The following XIRP2 variants were observed in gnomAD, a reference collection of about 807,000 sequenced individuals.
XIRP2 encodes the protein xin actin binding repeat containing 2, also known as xin actin-binding repeat-containing protein 2.
XIRP2 carries 236 observed loss-of-function variants against 277.0 expected under a neutral mutation model. The ratio of observed to expected loss-of-function variants is 0.85; its 90% confidence interval spans 0.77 to 0.95. The LOEUF (loss-of-function observed/expected upper bound fraction) is 0.95, where lower values mean the gene tolerates loss of function less well. XIRP2 is among the 40% of genes least tolerant of loss of function. The probability of loss-of-function intolerance (pLI) is 0.00; values close to 1 mark genes in which losing one functional copy is unlikely to be tolerated. For synonymous variants in XIRP2, 1,490 were observed against 1,416.5 expected (o/e 1.05, Z -1.17); for missense variants, 4,640 against 4,157.5 (o/e 1.12, Z -3.19).
At chr2:167,145,302 CA>C (rs1188090141) in intron 3 of XIRP2, among the ~76,000 whole-genome samples, 13 of 151,934 alleles carry the variant, frequency 8.6e-5, no homozygotes, top group African/African-American at 3.1e-4. Context: ...AATGGAAGTC[CA>C]AAAATTTTCC....
chr2:166,903,668 G>A lies in XIRP2; in HGVS notation c.186G>A (p.Leu62=), dbSNP rs751653795. ...CTCAATCTTTGGATCCCACAAGTCT[G>A]CCCTACAGTACAGGGGAAGAGATGT... ...SAPQSLDPTS[L]PYSTGEEMWS... Residue 62 remains leucine, a synonymous_variant, in exon 2 of 11, where the codon CTG becomes CTA. Transcript: ENST00000409195. 3.1e-6 allele frequency: 5 copies of A among 1,613,654 alleles called. No individual in the cohort carries two copies. Among genetic ancestry groups the A allele is most frequent in the Non-Finnish European group, 4.2e-6 (5 of 1,179,766 alleles).
intron 3 of XIRP2, among the ~76,000 whole-genome samples, chr2:167,169,623 C>T (rs1692626695): frequency 6.6e-6 from 1 of 152,148 alleles, no homozygotes; most frequent in Non-Finnish European, 1.5e-5. Context: ...GGGGTAACCT[C>T]CAAGCTTATT....
chr2:167,201,738 A>G (rs1226627998), intron 3 of XIRP2, among the ~76,000 whole-genome samples: 1 of 152,222 alleles, frequency 6.6e-6, no homozygotes, highest in East Asian at 1.9e-4. Flanking sequence ...TCCTTAGATT[A>G]TGCTGAAGTC....
chr2:167,031,973 C>CAAA, intron 2 of XIRP2, among the ~76,000 whole-genome samples: 1 of 151,956 alleles, frequency 6.6e-6, no homozygotes, highest in Admixed American at 6.6e-5. Flanking sequence ...CATATGGAAA[C>CAAA]AAAAAAGAGC....
intron 2 of XIRP2, among the ~76,000 whole-genome samples, chr2:167,119,226 T>G (rs911995898): frequency 6.6e-6 from 1 of 152,148 alleles, no homozygotes; most frequent in Non-Finnish European, 1.5e-5. Flanking sequence ...GGAAACTAGA[T>G]TTTTTCCCCT....
At chr2:167,025,750 T>G (rs1214639026) in intron 2 of XIRP2, among the ~76,000 whole-genome samples, 3 of 152,106 alleles carry the variant, frequency 2.0e-5, no homozygotes, top group Non-Finnish European at 4.4e-5. Flanking sequence ...TCAGTTTCCA[T>G]GTAGTTGAGC....
intron 3 of XIRP2, among the ~76,000 whole-genome samples, chr2:167,179,007 C>T (rs1486881797): frequency 3.9e-5 from 6 of 152,010 alleles, no homozygotes; most frequent in South Asian, 2.1e-4. Context: ...TCTCCACTCT[C>T]GATAGTAAAT....
chr2:166,930,159 G>C (rs763802241), intron 2 of XIRP2, among the ~76,000 whole-genome samples: 8 of 152,088 alleles, frequency 5.3e-5, no homozygotes, highest in Non-Finnish European at 1.2e-4. Context: ...GTGAGATCTA[G>C]ATTATGTTTA....
chr2:166,931,734 A>G (rs1295151179), intron 2 of XIRP2, among the ~76,000 whole-genome samples: 11 of 152,162 alleles, frequency 7.2e-5, no homozygotes, highest in Admixed American at 7.2e-4. Context: ...TAAAACTGCT[A>G]TGAATATTTT....
At chr2:166,898,599 A>T (rs866443702) in intron 1 of XIRP2, among the ~76,000 whole-genome samples, 1 of 152,168 alleles carries the variant, frequency 6.6e-6, no homozygotes, top group South Asian at 2.1e-4. Flanking sequence ...TCCATCTTAC[A>T]TAACTATAGT....
At chr2:167,050,796 G>A (rs1688894724) in intron 2 of XIRP2, among the ~76,000 whole-genome samples, 1 of 144,200 alleles carries the variant, frequency 6.9e-6, no homozygotes, top group South Asian at 2.5e-4. Context: ...TATGAATATT[G>A]AGCACTGCTG....
intron 2 of XIRP2, among the ~76,000 whole-genome samples, chr2:167,079,645 C>T (rs1447359017): frequency 6.6e-6 from 1 of 152,040 alleles, no homozygotes; most frequent in Non-Finnish European, 1.5e-5. Flanking sequence ...ATAGTACTCT[C>T]TGAGGATCTT....
intron 2 of XIRP2, among the ~76,000 whole-genome samples, chr2:166,921,432 A>G (rs1390714185): frequency 6.6e-6 from 1 of 152,072 alleles, no homozygotes; most frequent in Non-Finnish European, 1.5e-5. Flanking sequence ...GATGACTTCT[A>G]TCTCATCTAC....
intron 1 of XIRP2, among the ~76,000 whole-genome samples, chr2:166,903,102 T>A (rs1390582632): frequency 6.6e-6 from 1 of 152,148 alleles, no homozygotes; most frequent in Non-Finnish European, 1.5e-5. Context: ...GTTGCCCTTT[T>A]CTTAGAATAT....
At chr2:167,078,755 T>C (rs1053637352) in intron 2 of XIRP2, among the ~76,000 whole-genome samples, 1 of 150,362 alleles carries the variant, frequency 6.7e-6, no homozygotes, top group African/African-American at 2.5e-5. Context: ...GAGAATGGCA[T>C]GAACCCTGGA....
chr2:167,036,809 C>T (rs1688518913), intron 2 of XIRP2, among the ~76,000 whole-genome samples: 1 of 151,964 alleles, frequency 6.6e-6, no homozygotes, highest in South Asian at 2.1e-4. Flanking sequence ...GTGGAAGGGC[C>T]CCAGGGGTAG....
intron 2 of XIRP2, among the ~76,000 whole-genome samples, chr2:166,939,035 C>T (rs1034065171): frequency 6.6e-6 from 1 of 152,164 alleles, no homozygotes; most frequent in African/African-American, 2.4e-5. Flanking sequence ...TGGATCTTGA[C>T]TCTTTATCCA....
chr2:167,242,472 T>C (rs1404958402), intron 8 of XIRP2, 97 bp from the exon 9 acceptor site: 91 of 1,270,544 alleles, frequency 7.2e-5, no homozygotes, highest in East Asian at 1.4e-4. Flanking sequence ...GGAGATATCA[T>C]AGGAGGGTCC....
chr2:166,934,853 A>T (rs1438549605), intron 2 of XIRP2, among the ~76,000 whole-genome samples: 1 of 149,246 alleles, frequency 6.7e-6, no homozygotes, highest in Non-Finnish European at 1.5e-5. Context: ...CTAAAAATAA[A>T]AAAAAAATTT....
Sources: gnomAD v4.1 joint callset for allele counts (sites outside exome capture counted in the v4.1 genomes callset) on GRCh38, gnomAD v4.1.1 for gene constraint, MANE v1.5 for transcripts, NCBI Gene and HGNC (gene_info 2026-07-23, HGNC 2026-07-21) for gene names.